GTF3C2: variants seen among roughly 807,000 people sequenced by gnomAD.
GTF3C2 encodes general transcription factor 3C polypeptide 2.
In GTF3C2, 17 loss-of-function variants were observed where a neutral mutation model predicts 117.4. That is an observed-to-expected ratio of 0.14 (90% CI 0.10 to 0.22). GTF3C2 has a LOEUF of 0.22. Ranked by LOEUF, GTF3C2 falls within the 10% of genes least tolerant of loss-of-function variation. The pLI, the probability that GTF3C2 is intolerant of heterozygous loss-of-function variation, is 1.00. For missense variants in GTF3C2, 888 were observed against 1,143.6 expected (o/e 0.78, Z 3.22); for synonymous variants, 437 against 427.0 (o/e 1.02, Z -0.29).
chr2:27,356,479 G>A (rs1194726608), intron 1 of GTF3C2: 1 of 235,998 alleles, frequency 4.2e-6, no homozygotes, highest in Non-Finnish European at 8.9e-6. Context: ...CCGGACACAG[G>A]CTTCCGCGTT....
intron 1 of GTF3C2, chr2:27,350,631 C>T (rs1681097530): frequency 4.6e-6 from 2 of 432,180 alleles, no homozygotes; most frequent in Admixed American, 7.6e-5. Flanking sequence ...AAGACTTTGT[C>T]TCTGCAAAAA....
At chr2:27,330,339 G>A (rs1189317706) in intron 12 of GTF3C2, among the ~76,000 whole-genome samples, 1 of 151,648 alleles carries the variant, frequency 6.6e-6, no homozygotes, top group Non-Finnish European at 1.5e-5. Context: ...GTGTACACCT[G>A]TAATCCCAGC....
At chr2:27,341,995 G>A (rs1360013800) in exon 4 of GTF3C2, 1 of 1,614,104 alleles carries the variant, frequency 6.2e-7, no homozygotes, top group Non-Finnish European at 8.5e-7. Context: ...ACAGGCTCAG[G>A]TTCAGATGAG....
intron 1 of GTF3C2, among the ~76,000 whole-genome samples, chr2:27,355,197 C>T (rs1681287986): frequency 6.6e-6 from 1 of 152,162 alleles, no homozygotes; most frequent in Non-Finnish European, 1.5e-5. Flanking sequence ...ATATATTGGA[C>T]ATCCATATGA....
At chr2:27,335,369 GGAA>G (rs751330438) in intron 10 of GTF3C2, 7 of 665,694 alleles carry the variant, frequency 1.1e-5, no homozygotes, top group Non-Finnish European at 2.0e-5. Flanking sequence ...CACAGAAGAG[GGAA>G]GAAGGGGGAG....
chr2:27,327,332 G>GTT (rs768783449), intron 17 of GTF3C2, 48 bp from the exon 18 acceptor site: 11 of 1,033,902 alleles, frequency 1.1e-5, no homozygotes, highest in Non-Finnish European at 1.6e-5. Flanking sequence ...ACGCTCGTTT[G>GTT]TTTTTTTTAA....
chr2:27,328,365 A>C (rs1484398336), intron 16 of GTF3C2, 103 bp downstream of exon 16: 1 of 1,245,550 alleles, frequency 8.0e-7, no homozygotes, highest in Non-Finnish European at 1.2e-6. Context: ...ATTTTCTGGG[A>C]TATCAGGGCC....
chr2:27,342,154 T>C, exon 4 of GTF3C2: 1 of 1,614,144 alleles, frequency 6.2e-7, no homozygotes, highest in South Asian at 1.1e-5. Flanking sequence ...CTGCTCACCT[T>C]GGGGCCCTCA....
At chr2:27,343,715 T>C (rs1680825126) in intron 1 of GTF3C2, 137 bp from the exon 2 acceptor site, 1 of 695,406 alleles carries the variant, frequency 1.4e-6, no homozygotes, top group African/African-American at 1.8e-5. Context: ...CAACAATATT[T>C]ACTAAGCACC....
intron 5 of GTF3C2, 117 bp downstream of exon 5, chr2:27,337,809 G>C (rs1680548709): frequency 1.4e-6 from 1 of 740,480 alleles, no homozygotes; most frequent in Non-Finnish European, 2.4e-6. Flanking sequence ...AGTAATGAAT[G>C]TCATCACGGT....
chr2:27,353,381 CA>C (rs534971452), intron 1 of GTF3C2, among the ~76,000 whole-genome samples: 58,627 of 122,922 alleles, frequency 0.48, 12,360 homozygotes, highest in African/African-American at 0.57. Flanking sequence ...GACTCCGTCT[CA>C]AAAAAAAAAA....
intron 1 of GTF3C2, among the ~76,000 whole-genome samples, chr2:27,354,709 C>T (rs2148350633): frequency 6.6e-6 from 1 of 151,298 alleles, no homozygotes; most frequent in East Asian, 2.0e-4. Flanking sequence ...TGCAGTGAGC[C>T]GATATCACGC....
chr2:27,343,673 T>C (rs1459676098), intron 1 of GTF3C2, 95 bp from the exon 2 acceptor site: 5 of 1,000,920 alleles, frequency 5.0e-6, no homozygotes, highest in Non-Finnish European at 6.0e-6. Flanking sequence ...ATTCTCACAC[T>C]CATAACCAAG....
intron 4 of GTF3C2, 117 bp downstream of exon 4, chr2:27,341,831 T>A: frequency 1.2e-6 from 1 of 857,674 alleles, no homozygotes; most frequent in Non-Finnish European, 1.8e-6. Flanking sequence ...CTTTTTTCTT[T>A]AACCTGTTTT....
exon 2 of GTF3C2, chr2:27,343,365 G>A (rs1421736248): frequency 1.2e-6 from 2 of 1,614,032 alleles, no homozygotes; most frequent in Admixed American, 3.3e-5. Flanking sequence ...CTCTGATCAG[G>A]AGAATCCTCA....
exon 3 of GTF3C2, chr2:27,343,073 G>C (rs1472725772): frequency 1.2e-6 from 2 of 1,613,554 alleles, no homozygotes; most frequent in South Asian, 1.1e-5. Context: ...GGGCCTTTTC[G>C]TGTCCTACCA....
At chr2:27,335,644 T>A (rs748689671) in exon 10 of GTF3C2, 14 of 1,560,148 alleles carry the variant, frequency 9.0e-6, no homozygotes, top group Non-Finnish European at 1.2e-5. Flanking sequence ...GTAGACTGAA[T>A]AGCAGTACTT....
intron 1 of GTF3C2, among the ~76,000 whole-genome samples, chr2:27,348,087 G>A (rs1364402752): frequency 6.6e-6 from 1 of 152,178 alleles, no homozygotes; most frequent in Non-Finnish European, 1.5e-5. Flanking sequence ...GGCCAACATG[G>A]TGAAACCCTG....
chr2:27,356,147 C>T, intron 1 of GTF3C2: 1 of 1,272,916 alleles, frequency 7.9e-7, no homozygotes, highest in Non-Finnish European at 1.0e-6. Flanking sequence ...CCACCTCTGA[C>T]TTCCCCAACA....
Sources: allele counts gnomAD v4.1 joint callset (sites outside exome capture counted in the v4.1 genomes callset), GRCh38; gene constraint gnomAD v4.1.1; transcripts MANE v1.5; gene names NCBI Gene and HGNC (gene_info 2026-07-23, HGNC 2026-07-21).